TECRL: variants seen among roughly 807,000 people sequenced by gnomAD.
TECRL encodes trans-2,3-enoyl-CoA reductase-like.
TECRL carries 63 observed loss-of-function variants against 52.8 expected under a neutral mutation model. The observed-to-expected ratio is 1.19, with a 90% confidence interval of 0.97 to 1.47. TECRL has a LOEUF of 1.47. Ranked by LOEUF, TECRL falls within the 40% of genes most tolerant of loss-of-function variation. TECRL has a pLI of 0.00. For synonymous variants in TECRL, 164 were observed against 141.9 expected, an observed-to-expected ratio of 1.16 and a Z score of -1.10; for missense variants, 482 against 429.6, an observed-to-expected ratio of 1.12 and a Z score of -1.08.
At chr4:64,332,683 AAC>A (rs1296152833) in intron 2 of TECRL, among the ~76,000 whole-genome samples, 2 of 152,304 alleles carry the variant, frequency 1.3e-5, no homozygotes, top group South Asian at 2.1e-4. Flanking sequence ...TACGGAAAGA[AAC>A]ACAGACATTT....
At chr4:64,358,948 A>C (rs1720979123) in intron 2 of TECRL, among the ~76,000 whole-genome samples, 1 of 151,906 alleles carries the variant, frequency 6.6e-6, no homozygotes, top group Non-Finnish European at 1.5e-5. Flanking sequence ...ATTGATGAGA[A>C]TATCCATAAG....
intron 9 of TECRL, among the ~76,000 whole-genome samples, chr4:64,287,520 G>A (rs889495736): frequency 6.6e-6 from 1 of 152,028 alleles, no homozygotes; most frequent in East Asian, 1.9e-4. Context: ...ATTATATAGG[G>A]TTAGCAGTTG....
intron 4 of TECRL, among the ~76,000 whole-genome samples, chr4:64,319,238 G>A (rs900187900): frequency 6.6e-6 from 1 of 151,546 alleles, no homozygotes; most frequent in Non-Finnish European, 1.5e-5. Flanking sequence ...AGAAATAAGG[G>A]TTATAGAACA....
intron 2 of TECRL, among the ~76,000 whole-genome samples, chr4:64,333,471 A>G (rs1718798065): frequency 6.6e-6 from 1 of 152,190 alleles, no homozygotes; most frequent in African/African-American, 2.4e-5. Flanking sequence ...ATTGAGCAAA[A>G]TTCTGGCATG....
intron 1 of TECRL, among the ~76,000 whole-genome samples, chr4:64,383,027 C>G: frequency 6.6e-6 from 1 of 151,938 alleles, no homozygotes. Context: ...CTTATTTGTC[C>G]TTGATTTTTG....
intron 7 of TECRL, among the ~76,000 whole-genome samples, chr4:64,303,020 T>G (rs1277254053): frequency 6.6e-6 from 1 of 151,370 alleles, no homozygotes; most frequent in Non-Finnish European, 1.5e-5. Context: ...TTATTTTATC[T>G]CACCTAAAGA....
intron 6 of TECRL, among the ~76,000 whole-genome samples, chr4:64,307,779 C>A (rs1724425816): frequency 6.6e-6 from 1 of 152,044 alleles, no homozygotes. Context: ...AAACTCTGAC[C>A]ACTGCTGAGA....
chr4:64,336,708 T>C (rs1560509129), intron 2 of TECRL, among the ~76,000 whole-genome samples: 2 of 152,208 alleles, frequency 1.3e-5, no homozygotes, highest in African/African-American at 4.8e-5. Flanking sequence ...GTATGTTGTG[T>C]CTTTGTTCTC....
intron 6 of TECRL, among the ~76,000 whole-genome samples, 158 bp downstream of exon 6, chr4:64,309,668 G>A (rs534639217): frequency 7.9e-5 from 12 of 152,010 alleles, no homozygotes; most frequent in South Asian, 2.1e-4. Context: ...AATATATCAC[G>A]CAAAAAGAAT....
At chr4:64,409,012 G>A (rs1436780223) in intron 1 of TECRL, 106 bp downstream of exon 1, 2 of 1,016,276 alleles carry the variant, frequency 2.0e-6, no homozygotes, top group Non-Finnish European at 2.8e-6. Context: ...AGTCAGAAAT[G>A]TATTTCAGAA....
chr4:64,322,020 C>T (rs1717934744), intron 4 of TECRL, among the ~76,000 whole-genome samples: 1 of 152,078 alleles, frequency 6.6e-6, no homozygotes, highest in Non-Finnish European at 1.5e-5. Flanking sequence ...GCCCAATAGT[C>T]CCATAGACAG....
At chr4:64,375,591 C>T (rs972703396) in intron 1 of TECRL, among the ~76,000 whole-genome samples, 39 of 151,848 alleles carry the variant, frequency 2.6e-4, no homozygotes, top group African/African-American at 8.7e-4. Flanking sequence ...GAATGTATAG[C>T]AATAGTACCC....
intron 5 of TECRL, among the ~76,000 whole-genome samples, chr4:64,313,904 C>G (rs1337264872): frequency 1.4e-5 from 2 of 143,636 alleles, no homozygotes; most frequent in Non-Finnish European, 3.0e-5. Flanking sequence ...GAAGCCGAGG[C>G]GGGCGGATCA....
At chr4:64,404,891 T>A (rs1377136506) in intron 1 of TECRL, among the ~76,000 whole-genome samples, 1 of 152,100 alleles carries the variant, frequency 6.6e-6, no homozygotes, top group Non-Finnish European at 1.5e-5. Context: ...CTACTGAACA[T>A]GAATGCTGTG....
intron 2 of TECRL, among the ~76,000 whole-genome samples, chr4:64,371,805 A>G (rs760808946): frequency 4.6e-5 from 7 of 151,726 alleles, no homozygotes; most frequent in Non-Finnish European, 1.0e-4. Context: ...ATGAGTAGCT[A>G]ATAACCACCA....
At chr4:64,302,518 A>T (rs1724080806) in intron 7 of TECRL, among the ~76,000 whole-genome samples, 1 of 151,574 alleles carries the variant, frequency 6.6e-6, no homozygotes, top group South Asian at 2.1e-4. Context: ...TTGAAGGAGC[A>T]TACCTTATAT....
chr4:64,363,558 G>C (rs1194085537), intron 2 of TECRL, among the ~76,000 whole-genome samples: 1 of 152,090 alleles, frequency 6.6e-6, no homozygotes, highest in Non-Finnish European at 1.5e-5. Context: ...CTCACATTCT[G>C]TATTTGTCCC....
chr4:64,395,845 G>A (rs552811180), intron 1 of TECRL, among the ~76,000 whole-genome samples: 2 of 152,050 alleles, frequency 1.3e-5, no homozygotes, highest in South Asian at 4.2e-4. Context: ...CCTCAAGTAG[G>A]CCCCAGTGTC....
chr4:64,400,041 A>G (rs1336837690), intron 1 of TECRL, among the ~76,000 whole-genome samples: 2 of 152,174 alleles, frequency 1.3e-5, no homozygotes. Context: ...AGTTGCTGGC[A>G]CTCAATGCCA....
Sources: allele counts gnomAD v4.1 joint callset (sites outside exome capture counted in the v4.1 genomes callset), GRCh38; gene constraint gnomAD v4.1.1; transcripts MANE v1.5; gene names NCBI Gene and HGNC (gene_info 2026-07-23, HGNC 2026-07-21).